The following EPB41L2 variants were observed in gnomAD, a reference collection of about 807,000 sequenced individuals.
EPB41L2 encodes the protein band 4.1-like protein 2.
Under a neutral mutation model 113.0 loss-of-function variants are expected in EPB41L2, and 43 were observed. The observed-to-expected ratio is 0.38, with a 90% CI of 0.30 to 0.49. EPB41L2 has a LOEUF of 0.49. Among genes scored for constraint, EPB41L2 ranks in the 20% least tolerant of loss-of-function variants. EPB41L2 has a pLI of 0.95. For synonymous variants in EPB41L2, 442 were observed against 436.7 expected (o/e 1.01, Z -0.15); for missense variants, 1,147 against 1,223.4 (o/e 0.94, Z 0.93).
At chr6:130,984,357 C>A (rs902981583) in intron 1 of EPB41L2, among the ~76,000 whole-genome samples, 1 of 152,184 alleles carries the variant, frequency 6.6e-6, no homozygotes, top group Non-Finnish European at 1.5e-5. Context: ...CTATCATTAT[C>A]AAGTATTATG....
At chr6:131,013,958 T>G (rs565605135) in intron 1 of EPB41L2, 2 of 152,116 alleles carry the variant, frequency 1.3e-5, no homozygotes, top group Admixed American at 1.3e-4. Flanking sequence ...TCGTCCAGGA[T>G]GCAATGGGCA....
chr6:131,033,405 AG>A (rs1479628603), intron 1 of EPB41L2, among the ~76,000 whole-genome samples: 1 of 152,206 alleles, frequency 6.6e-6, no homozygotes, highest in African/African-American at 2.4e-5. Flanking sequence ...CACAAATTTA[AG>A]AATTACCATA....
intron 1 of EPB41L2, among the ~76,000 whole-genome samples, chr6:131,029,565 A>G (rs1411240237): frequency 6.6e-6 from 1 of 152,188 alleles, no homozygotes; most frequent in Non-Finnish European, 1.5e-5. Context: ...CATTAGAACT[A>G]TCACAGCTCT....
chr6:130,887,633 T>A (rs995063949), intron 11 of EPB41L2, among the ~76,000 whole-genome samples: 24 of 152,206 alleles, frequency 1.6e-4, no homozygotes, highest in African/African-American at 5.5e-4. Flanking sequence ...CCTCACCTTA[T>A]AGCTTCATCG....
chr6:130,913,011 T>C (rs1554272082), intron 4 of EPB41L2, among the ~76,000 whole-genome samples: 1 of 152,146 alleles, frequency 6.6e-6, no homozygotes. Flanking sequence ...AGATCCCCAG[T>C]ACAGAAGAGC....
Position 130,998,668 on chromosome 6 carries a change from C to T in EPB41L2, c.-14-42169G>A, listed in dbSNP as rs1783693188. Among the ~76,000 whole-genome samples, 4 of 152,218 alleles carry T rather than the reference C, an allele frequency of 2.6e-5. No homozygotes were observed. The South Asian group carries it at 8.3e-4, about 32-fold the overall frequency. ...TGATTTCTATATTGTGAAAAAACAA[C>T]TTCAGCCATAGTTACAAACAGTAGA... On this transcript the variant is annotated intron_variant, in intron 1 of 19. Coordinates refer to ENST00000337057, the MANE Select transcript of EPB41L2 (RefSeq NM_001431.4).
At chr6:131,027,372 G>A (rs2128746908) in intron 1 of EPB41L2, among the ~76,000 whole-genome samples, 1 of 151,254 alleles carries the variant, frequency 6.6e-6, no homozygotes, top group East Asian at 2.0e-4. Flanking sequence ...ATCCAAGTGT[G>A]TATTTTAATA....
intron 1 of EPB41L2, among the ~76,000 whole-genome samples, chr6:130,969,619 T>C (rs927482621): frequency 1.1e-4 from 17 of 152,152 alleles, no homozygotes; most frequent in Non-Finnish European, 5.9e-5. Flanking sequence ...TAACCAGACT[T>C]TGGTAACTGT....
At chr6:131,011,499 T>C (rs527357539) in intron 1 of EPB41L2, among the ~76,000 whole-genome samples, 20 of 152,348 alleles carry the variant, frequency 1.3e-4, no homozygotes, top group Non-Finnish European at 2.5e-4. Flanking sequence ...CATGTAACCA[T>C]TGTATTTCGG....
At position 130,933,425 on chromosome 6, in the gene EPB41L2, C is replaced by T. The variant is rs534871262; in HGVS notation, c.706-6716G>A. On this transcript the variant is annotated intron_variant, in intron 3 of 19. Coordinates refer to ENST00000337057, the MANE Select transcript of EPB41L2 (RefSeq NM_001431.4). ...ACAAGCTTAGCTATCTATTTTTCGTCTGTCTGCCTCTCCCTAACCCTACTT... is the reference window on the plus strand; with the variant it reads ...ACAAGCTTAGCTATCTATTTTTCGTTTGTCTGCCTCTCCCTAACCCTACTT... Among the ~76,000 whole-genome samples, 36 of 152,290 alleles carry T rather than the reference C, an allele frequency of 2.4e-4. 1 individual carries two copies. The South Asian group carries it at 7.5e-3, about 32-fold the overall frequency.
At chr6:130,953,581 G>A (rs1419826950) in intron 3 of EPB41L2, among the ~76,000 whole-genome samples, 2 of 151,944 alleles carry the variant, frequency 1.3e-5, no homozygotes, top group Non-Finnish European at 2.9e-5. Flanking sequence ...ATGAGTTAAT[G>A]GGTGCAGCAC....
chr6:130,890,744 T>C (rs1583128799), intron 10 of EPB41L2, among the ~76,000 whole-genome samples: 1 of 152,202 alleles, frequency 6.6e-6, no homozygotes, highest in East Asian at 1.9e-4. Context: ...AAAGGTTATT[T>C]ATTTGTATTA....
At position 130,869,698 on chromosome 6, in the gene EPB41L2, G is replaced by C. The variant is rs17059736; in HGVS notation, c.2472C>G (p.Pro824=). ...IQENVGAQKI[P]GEKSVHEGAL... is the part of the protein sequence containing the mutation. ...CGCCTTCGTGTACACTCTTCTCTCC[G>C]GGTATCTTTTGGGCACCTACATTTT... Residue 824 remains proline (P), a synonymous_variant, in exon 15 of 20, where the codon CCC becomes CCG. Coordinates refer to ENST00000337057, the MANE Select transcript of EPB41L2 (RefSeq NM_001431.4). The C allele has an allele frequency of 6.2e-6, 10 of 1,613,822 alleles. No homozygotes were observed. The Admixed American group carries it at 1.5e-4, about 24-fold the overall frequency.
chr6:131,052,486 A>G (rs1231972501), intron 1 of EPB41L2, among the ~76,000 whole-genome samples: 1 of 152,240 alleles, frequency 6.6e-6, no homozygotes, highest in East Asian at 1.9e-4. Flanking sequence ...ATCATGTTTG[A>G]TCCTACTGGC....
In EPB41L2 at chr6:130,889,084, T is replaced by C. The variant is rs145082018; in HGVS notation, c.1660+1210A>G. Among the ~76,000 whole-genome samples, 8 of 152,238 alleles carry C rather than the reference T, an allele frequency of 5.3e-5. No individual in the cohort carries two copies. In the East Asian group the frequency reaches 1.5e-3, roughly 29 times the overall value. ...ATTTAAAATATAAGTTGTTCGAGCA[T>C]ATATTTCAGAAAAATACAATAGACA... On this transcript the variant is annotated intron_variant, in intron 11 of 19. Coordinates refer to ENST00000337057, the MANE Select transcript of EPB41L2 (RefSeq NM_001431.4).
chr6:130,895,753 G>C (rs1794455562), intron 8 of EPB41L2, among the ~76,000 whole-genome samples: 1 of 152,154 alleles, frequency 6.6e-6, no homozygotes, highest in Admixed American at 6.5e-5. Flanking sequence ...CGTTTCAAAG[G>C]ACTGCAGACT....
At chr6:130,974,076 T>C (rs369616606) in intron 1 of EPB41L2, among the ~76,000 whole-genome samples, 1 of 152,122 alleles carries the variant, frequency 6.6e-6, no homozygotes, top group East Asian at 1.9e-4. Context: ...TAAACTGAAT[T>C]GCATCACCCT....
At chr6:130,879,564 G>C (rs1788612254) in intron 13 of EPB41L2, among the ~76,000 whole-genome samples, 1 of 152,034 alleles carries the variant, frequency 6.6e-6, no homozygotes, top group Admixed American at 6.5e-5. Context: ...TTCATAATTG[G>C]GTGATTGGGC....
chr6:130,996,384 C>T (rs893636485), intron 1 of EPB41L2, among the ~76,000 whole-genome samples: 2 of 121,156 alleles, frequency 1.7e-5, no homozygotes, highest in African/African-American at 6.3e-5. Context: ...AATCAGTGAG[C>T]TGGCCCCTCC....
Sources: allele counts gnomAD v4.1 joint callset (sites outside exome capture counted in the v4.1 genomes callset), GRCh38; gene constraint gnomAD v4.1.1; transcripts MANE v1.5; gene names NCBI Gene and HGNC (gene_info 2026-07-23, HGNC 2026-07-21).